The following SPAG16 variants were observed in gnomAD, a reference collection of about 807,000 sequenced individuals.
The protein encoded by SPAG16 is sperm-associated antigen 16 protein.
SPAG16 carries 86 observed loss-of-function variants against 80.4 expected under a neutral mutation model. That is an observed-to-expected ratio of 1.07 (90% CI 0.90 to 1.28). The LOEUF is 1.28. Among genes scored for constraint, SPAG16 ranks in the 50% most tolerant of loss-of-function variants. The pLI is 0.00. For synonymous variants in SPAG16, 294 were observed against 265.9 expected, an observed-to-expected ratio of 1.11 and a Z score of -1.03; for missense variants, 870 against 765.3, an observed-to-expected ratio of 1.14 and a Z score of -1.61.
chr2:213,971,928 TTGTGTGTG>T (rs529873365), intron 12 of SPAG16, among the ~76,000 whole-genome samples: 1 of 151,060 alleles, frequency 6.6e-6, no homozygotes, highest in African/African-American at 2.4e-5. Context: ...TGATATCTAA[TTGTGTGTG>T]TGTGTGTGTT....
At chr2:213,556,673 A>G (rs111464292) in intron 10 of SPAG16, among the ~76,000 whole-genome samples, 1 of 152,156 alleles carries the variant, frequency 6.6e-6, no homozygotes, top group Non-Finnish European at 1.5e-5. Context: ...CTTTCAACAA[A>G]GAATACATCA....
At chr2:213,435,059 T>C (rs1321428893) in intron 9 of SPAG16, among the ~76,000 whole-genome samples, 1 of 152,212 alleles carries the variant, frequency 6.6e-6, no homozygotes, top group Non-Finnish European at 1.5e-5. Context: ...GTAATCAACC[T>C]AAGTGTCCAT....
chr2:213,718,299 A>G (rs2066336065), intron 10 of SPAG16, among the ~76,000 whole-genome samples: 1 of 152,000 alleles, frequency 6.6e-6, no homozygotes, highest in Non-Finnish European at 1.5e-5. Flanking sequence ...CAAAACCACA[A>G]TGAGATACTG....
chr2:213,756,740 G>A (rs781704163), intron 10 of SPAG16, among the ~76,000 whole-genome samples: 2 of 148,352 alleles, frequency 1.3e-5, no homozygotes, highest in Non-Finnish European at 3.0e-5. Flanking sequence ...GGGTATGCAT[G>A]TGTATTTATT....
intron 11 of SPAG16, among the ~76,000 whole-genome samples, chr2:213,881,619 G>T (rs960699377): frequency 6.6e-6 from 1 of 152,160 alleles, no homozygotes; most frequent in Non-Finnish European, 1.5e-5. Flanking sequence ...CCACAAGGCG[G>T]CAGGAAGGAG....
intron 13 of SPAG16, among the ~76,000 whole-genome samples, chr2:214,036,295 A>G (rs2048694981): frequency 1.3e-5 from 2 of 152,192 alleles, no homozygotes; most frequent in African/African-American, 4.8e-5. Context: ...CCCAACTTTC[A>G]GCACAGAATG....
chr2:213,889,796 A>G (rs2076717793), intron 11 of SPAG16, among the ~76,000 whole-genome samples: 1 of 151,332 alleles, frequency 6.6e-6, no homozygotes. Flanking sequence ...TGACAAGTTG[A>G]GAAAAATGAT....
intron 11 of SPAG16, among the ~76,000 whole-genome samples, chr2:213,868,952 A>T (rs923869259): frequency 1.1e-4 from 16 of 152,038 alleles, no homozygotes; most frequent in Non-Finnish European, 2.1e-4. Context: ...TTAGATTTTT[A>T]AAAATATATA....
chr2:213,354,027 C>T lies in SPAG16; in HGVS notation c.762+3382C>T, dbSNP rs115101183. ...ATTAGGTATTTCTCTTAATGCTATC[C>T]CTGTCCCAGCCCCACACCCCATGAT... is the stretch of plus-strand genomic sequence containing the variant. On this transcript the variant is annotated intron_variant, in intron 7 of 15. Coordinates refer to ENST00000331683, the MANE Select transcript of SPAG16 (RefSeq NM_024532.5). 3.0e-3 allele frequency among the ~76,000 whole-genome samples: 461 copies of T among 152,202 alleles called. 2 individuals carry two copies. The highest frequency in any genetic ancestry group is 0.01 in the Middle Eastern group (3 of 294).
intron 10 of SPAG16, among the ~76,000 whole-genome samples, chr2:213,550,839 A>G (rs1452432623): frequency 1.3e-5 from 2 of 152,166 alleles, no homozygotes; most frequent in Non-Finnish European, 2.9e-5. Context: ...AATAATAAGT[A>G]TGATATTACC....
chr2:213,765,519 T>A (rs917284508), intron 10 of SPAG16, among the ~76,000 whole-genome samples: 1 of 152,208 alleles, frequency 6.6e-6, no homozygotes, highest in Non-Finnish European at 1.5e-5. Context: ...ATGTGTATAT[T>A]CCCAGTTAGG....
intron 15 of SPAG16, among the ~76,000 whole-genome samples, chr2:214,208,561 A>G (rs1221198807): frequency 2.6e-5 from 4 of 152,200 alleles, no homozygotes; most frequent in African/African-American, 9.6e-5. Context: ...GTATAATAGT[A>G]TAATAGTTAA....
chr2:213,721,576 CTTTTCCTCTTTAA>C (rs1048689098), intron 10 of SPAG16, among the ~76,000 whole-genome samples: 8 of 152,198 alleles, frequency 5.3e-5, no homozygotes, highest in African/African-American at 1.9e-4. Context: ...TATGATACCA[CTTTTCCTCTTTAA>C]ACGGTAATAA....
At chr2:213,434,978 G>T (rs1207633413) in intron 9 of SPAG16, among the ~76,000 whole-genome samples, 3 of 151,986 alleles carry the variant, frequency 2.0e-5, no homozygotes, top group Admixed American at 1.3e-4. Context: ...CAAAAGAAAA[G>T]AAATTATCAT....
intron 4 of SPAG16, among the ~76,000 whole-genome samples, chr2:213,316,478 G>A (rs567830393): frequency 7.2e-5 from 11 of 152,148 alleles, no homozygotes; most frequent in African/African-American, 2.6e-4. Flanking sequence ...AATCTGGTCA[G>A]TGTCACTTAT....
intron 1 of SPAG16, among the ~76,000 whole-genome samples, 175 bp from the exon 2 acceptor site, chr2:213,295,889 A>G (rs2062476093): frequency 1.3e-5 from 2 of 152,160 alleles, no homozygotes; most frequent in Admixed American, 1.3e-4. Flanking sequence ...ATTTTTAAAT[A>G]TCTAGATTTA....
chr2:214,189,481 C>G (rs1017400960), intron 15 of SPAG16, among the ~76,000 whole-genome samples: 2 of 152,054 alleles, frequency 1.3e-5, no homozygotes, highest in African/African-American at 4.8e-5. Flanking sequence ...AAATGCCAGT[C>G]AGGTAAACAG....
chr2:213,717,001 A>G (rs2066264973), intron 10 of SPAG16, among the ~76,000 whole-genome samples: 1 of 152,136 alleles, frequency 6.6e-6, no homozygotes, highest in African/African-American at 2.4e-5. Flanking sequence ...ATTGTTTGAC[A>G]GGCTTAGAGC....
chr2:213,788,427 T>C (rs919430334), intron 10 of SPAG16, among the ~76,000 whole-genome samples: 11 of 151,932 alleles, frequency 7.2e-5, no homozygotes, highest in African/African-American at 2.2e-4. Context: ...GGTAACCCTG[T>C]GATGATGGAA....
Sources: gnomAD v4.1 joint callset for allele counts (sites outside exome capture counted in the v4.1 genomes callset) on GRCh38, gnomAD v4.1.1 for gene constraint, MANE v1.5 for transcripts, NCBI Gene and HGNC (gene_info 2026-07-23, HGNC 2026-07-21) for gene names.